The following FBN1 variants were observed in gnomAD, a reference collection of about 807,000 sequenced individuals.
FBN1 encodes fibrillin 1.
Under a neutral mutation model 365.1 loss-of-function variants are expected in FBN1, and 29 were observed. The ratio of observed to expected loss-of-function variants is 0.08; its 90% CI spans 0.06 to 0.11. FBN1 has a LOEUF of 0.11. Ranked by LOEUF, FBN1 falls within the 10% of genes least tolerant of loss-of-function variation. The pLI is 1.00. For missense variants in FBN1, 2,476 were observed against 3,703.2 expected, an observed-to-expected ratio of 0.67 and a Z score of 8.60; for synonymous variants, 1,210 against 1,270.5, an observed-to-expected ratio of 0.95 and a Z score of 1.01.
chr15:48,492,780 T>C lies in FBN1; in HGVS notation c.2729-194A>G, dbSNP rs371788266. On this transcript the variant is annotated intron_variant, in intron 23 of 65. Coordinates refer to ENST00000316623, the MANE Select transcript of FBN1 (RefSeq NM_000138.5). ...GAACGAGCCCACCTATTACTAAATA[T>C]GTAAGAGTTTCTCCATTGGTTTCAG... Among the ~76,000 whole-genome samples the C allele has an allele frequency of 2.8e-4, 42 of 152,328 alleles. 1 individual carries two copies. Among genetic ancestry groups the C allele is most frequent in the African/African-American group, 9.9e-4 (41 of 41,570 alleles).
chr15:48,486,601 T>C (rs2043509181), intron 29 of FBN1, among the ~76,000 whole-genome samples: 1 of 152,220 alleles, frequency 6.6e-6, no homozygotes, highest in African/African-American at 2.4e-5. Context: ...TTTCCAATAG[T>C]TATTTTTTTG....
Position 48,537,549 on chromosome 15 carries a change from G to T in FBN1, c.736+62C>A, listed in dbSNP as rs189465637. The T allele has an allele frequency of 2.8e-3, 4,522 of 1,594,166 alleles. 15 individuals are homozygous for T. The highest frequency in any genetic ancestry group is 3.6e-3 in the Non-Finnish European group (4,225 of 1,163,724). On this transcript the variant is annotated intron_variant, in intron 7 of 65. Transcript: ENST00000316623. ...TTTTCCATTCTCTTCAACTTCATTG[G>T]AGAATGGCTCTCCAGAGCAAATAAG...
chr15:48,489,208 T>A (rs2043534987), intron 25 of FBN1, among the ~76,000 whole-genome samples: 1 of 138,478 alleles, frequency 7.2e-6, no homozygotes. Flanking sequence ...ATATTTTTTT[T>A]TTTTTTTTTT....
At chr15:48,453,303 A>AAAAC (rs1555396240) in intron 44 of FBN1, among the ~76,000 whole-genome samples, 3 of 140,764 alleles carry the variant, frequency 2.1e-5, no homozygotes, top group South Asian at 2.3e-4. Flanking sequence ...ACAAAAAAAA[A>AAAAC]ACACACACAA....
intron 6 of FBN1, among the ~76,000 whole-genome samples, chr15:48,565,947 A>T (rs1168668596): frequency 1.3e-5 from 2 of 152,234 alleles, no homozygotes; most frequent in African/African-American, 2.4e-5. Flanking sequence ...GAGTATTTTA[A>T]ATCTTTTGGA....
chr15:48,624,617 G>A (rs371931453), intron 2 of FBN1, among the ~76,000 whole-genome samples: 6 of 152,208 alleles, frequency 3.9e-5, no homozygotes, highest in African/African-American at 9.7e-5. Flanking sequence ...CCAATGACAC[G>A]ATGAGAACAT....
At chr15:48,598,341 CAT>C (rs2044531585) in intron 5 of FBN1, among the ~76,000 whole-genome samples, 1 of 152,158 alleles carries the variant, frequency 6.6e-6, no homozygotes, top group South Asian at 2.1e-4. Context: ...AGTTAACACA[CAT>C]AGAGTTCTAA....
chr15:48,487,488 C>G, intron 27 of FBN1, 51 bp from the exon 28 acceptor site: 1 of 1,607,830 alleles, frequency 6.2e-7, no homozygotes. Flanking sequence ...TCTCCTCCAC[C>G]AGACCAAGCA....
At position 48,508,990 on chromosome 15, in the gene FBN1, T is replaced by C. The variant is rs60632431; in HGVS notation, c.1715-286A>G. ...CTCCATAGAAGTTATCAGGATCCTTTTTAGGAATAATAGTTTACAAACTGA... is the reference window on the plus strand; with the variant it reads ...CTCCATAGAAGTTATCAGGATCCTTCTTAGGAATAATAGTTTACAAACTGA... On this transcript the variant is annotated intron_variant, in intron 14 of 65. Coordinates refer to ENST00000316623, the MANE Select transcript of FBN1 (RefSeq NM_000138.5). 0.016 allele frequency among the ~76,000 whole-genome samples: 2,445 copies of C among 152,292 alleles called. 62 individuals carry two copies. Among genetic ancestry groups the C allele is most frequent in the African/African-American group, 0.052 (2,141 of 41,562 alleles).
At chr15:48,592,266 C>A (rs1353338589) in intron 6 of FBN1, among the ~76,000 whole-genome samples, 1 of 152,108 alleles carries the variant, frequency 6.6e-6, no homozygotes, top group African/African-American at 2.4e-5. Flanking sequence ...CACACCCCAC[C>A]CCCATCTCCA....
At chr15:48,416,685 A>C (rs1304282066) in intron 63 of FBN1, 2 of 152,222 alleles carry the variant, frequency 1.3e-5, no homozygotes, top group Non-Finnish European at 2.9e-5. Flanking sequence ...TGAGTTTCTC[A>C]TTATTTCTGA....
chr15:48,482,986 T>A (rs1032516658), intron 31 of FBN1, among the ~76,000 whole-genome samples: 8 of 152,244 alleles, frequency 5.3e-5, no homozygotes, highest in Non-Finnish European at 1.0e-4. Context: ...AAGGGATCCA[T>A]GTGTTTCCAA....
chr15:48,423,100 C>T (rs916048166), intron 60 of FBN1, among the ~76,000 whole-genome samples: 1 of 152,226 alleles, frequency 6.6e-6, no homozygotes, highest in Admixed American at 6.5e-5. Flanking sequence ...TTCTCAACTC[C>T]AATGTTATTT....
At chr15:48,438,890 C>T (rs12593184) in intron 50 of FBN1, among the ~76,000 whole-genome samples, 1 of 152,136 alleles carries the variant, frequency 6.6e-6, no homozygotes, top group African/African-American at 2.4e-5. Context: ...TTAAAGCCTT[C>T]CAAAACTCCT....
In FBN1 at chr15:48,430,697, C is replaced by T. The variant is rs759696323; in HGVS notation, c.6845G>A (p.Arg2282Gln). The T allele has an allele frequency of 2.0e-5, 33 of 1,613,748 alleles. No individual in the cohort carries two copies. The highest frequency in any genetic ancestry group is 2.0e-4 in the Admixed American group (12 of 59,978). The change falls in exon 56 of 66, where the codon CGG (arginine) becomes CAG (glutamine). Residue 2282 changes from arginine to glutamine, a missense_variant. Transcript: ENST00000316623. ...YMCICGPGYQRRPDGEGCVDE... is the reference protein window; with the variant it reads ...YMCICGPGYQQRPDGEGCVDE... Reference sequence around the variant, plus strand: ...TACACAGCCTTCTCCATCAGGTCTCCGCTGATACCCGGGTCCACAGATGCA... The same window carrying T: ...TACACAGCCTTCTCCATCAGGTCTCTGCTGATACCCGGGTCCACAGATGCA...
chr15:48,543,137 C>A (rs1024627903), intron 6 of FBN1, among the ~76,000 whole-genome samples: 10 of 152,184 alleles, frequency 6.6e-5, no homozygotes, highest in African/African-American at 2.4e-4. Context: ...AAGCAAACAA[C>A]AAAGTCAAAA....
At chr15:48,519,086 T>G (rs1278503460) in intron 10 of FBN1, among the ~76,000 whole-genome samples, 1 of 152,174 alleles carries the variant, frequency 6.6e-6, no homozygotes, top group Non-Finnish European at 1.5e-5. Context: ...TCAAAGCTGC[T>G]GATTCCTAAG....
At chr15:48,616,092 C>A (rs1798627440) in intron 2 of FBN1, among the ~76,000 whole-genome samples, 1 of 152,156 alleles carries the variant, frequency 6.6e-6, no homozygotes, top group African/African-American at 2.4e-5. Flanking sequence ...CAGAATACTT[C>A]TTGTTTTATT....
chr15:48,603,134 G>A (rs1242204312), intron 4 of FBN1, among the ~76,000 whole-genome samples: 1 of 152,132 alleles, frequency 6.6e-6, no homozygotes, highest in Non-Finnish European at 1.5e-5. Context: ...ACAATTAAAT[G>A]CAATATAATA....
Sources: gnomAD v4.1 joint callset for allele counts (sites outside exome capture counted in the v4.1 genomes callset) on GRCh38, gnomAD v4.1.1 for gene constraint, MANE v1.5 for transcripts, NCBI Gene and HGNC (gene_info 2026-07-23, HGNC 2026-07-21) for gene names.